The following RBFOX1 variants were observed in gnomAD, a reference collection of about 807,000 sequenced individuals.
RBFOX1 encodes the protein RNA binding protein fox-1 homolog 1.
Under a neutral mutation model 57.7 loss-of-function variants are expected in RBFOX1, and 8 were observed. The ratio of observed to expected loss-of-function variants is 0.14; its 90% confidence interval spans 0.08 to 0.25. RBFOX1 has a LOEUF of 0.25. Among genes scored for constraint, RBFOX1 ranks in the 10% least tolerant of loss-of-function variants. RBFOX1 has a pLI of 1.00. For synonymous variants in RBFOX1, 326 were observed against 222.4 expected, an observed-to-expected ratio of 1.47 and a Z score of -4.15; for missense variants, 611 against 548.5, an observed-to-expected ratio of 1.11 and a Z score of -1.14.
chr16:6,958,342 T>C (rs970677262), intron 3 of RBFOX1, among the ~76,000 whole-genome samples: 1 of 152,182 alleles, frequency 6.6e-6, no homozygotes, highest in African/African-American at 2.4e-5. Context: ...TTCTGAATCC[T>C]CAAGTAGCAT....
intron 4 of RBFOX1, among the ~76,000 whole-genome samples, chr16:7,390,971 A>G (rs1568582629): frequency 6.6e-6 from 1 of 152,134 alleles, no homozygotes; most frequent in Non-Finnish European, 1.5e-5. Flanking sequence ...GGCTTGGAAC[A>G]GGGAGTTTCC....
chr16:5,823,640 C>T (rs1414432116), intron 3 of RBFOX1, among the ~76,000 whole-genome samples: 1 of 152,114 alleles, frequency 6.6e-6, no homozygotes, highest in Non-Finnish European at 1.5e-5. Flanking sequence ...CTGAGCTCCA[C>T]CTCCAGTCAG....
chr16:7,625,101 A>G (rs2059887590), intron 10 of RBFOX1, among the ~76,000 whole-genome samples: 1 of 152,120 alleles, frequency 6.6e-6, no homozygotes, highest in Non-Finnish European at 1.5e-5. Flanking sequence ...TGCTTTGGCC[A>G]GGTGTGTCAT....
intron 4 of RBFOX1, among the ~76,000 whole-genome samples, chr16:5,924,118 C>T (rs912472211): frequency 3.3e-5 from 5 of 152,086 alleles, no homozygotes; most frequent in African/African-American, 1.2e-4. Flanking sequence ...GCACTCATCC[C>T]GTCCTGCTAC....
chr16:6,309,821 G>A (rs1342297529), intron 1 of RBFOX1, among the ~76,000 whole-genome samples: 1 of 152,202 alleles, frequency 6.6e-6, no homozygotes, highest in African/African-American at 2.4e-5. Flanking sequence ...AAATGCAGCA[G>A]AAACACTAAT....
chr16:5,549,447 C>G (rs745334202), intron 2 of RBFOX1, among the ~76,000 whole-genome samples: 9 of 152,144 alleles, frequency 5.9e-5, no homozygotes, highest in Non-Finnish European at 8.8e-5. Flanking sequence ...TATTTATTGG[C>G]TTTGAATACT....
intron 2 of RBFOX1, among the ~76,000 whole-genome samples, chr16:5,522,453 T>C (rs755653267): frequency 3.9e-5 from 6 of 152,246 alleles, no homozygotes; most frequent in Non-Finnish European, 8.8e-5. Flanking sequence ...GTACATGTAG[T>C]ATTTCATTAC....
intron 14 of RBFOX1, among the ~76,000 whole-genome samples, chr16:7,707,942 G>T (rs999631764): frequency 6.6e-6 from 1 of 152,174 alleles, no homozygotes; most frequent in Non-Finnish European, 1.5e-5. Flanking sequence ...GCTTCAGTCA[G>T]TATTAAGATA....
intron 3 of RBFOX1, among the ~76,000 whole-genome samples, chr16:7,034,827 C>CTTTTTTTTTTTCTTTTTT (rs2043824001): frequency 5.5e-5 from 3 of 54,112 alleles, no homozygotes; most frequent in Non-Finnish European, 9.3e-5. Flanking sequence ...TATTGCATTA[C>CTTTTTTTTTTTCTTTTTT]TTTTTTTTTT....
At chr16:7,608,752 A>C (rs924608546) in intron 10 of RBFOX1, among the ~76,000 whole-genome samples, 11 of 152,360 alleles carry the variant, frequency 7.2e-5, no homozygotes, top group Admixed American at 3.9e-4. Flanking sequence ...AATTTATTAG[A>C]ATTAAATGGG....
chr16:7,398,583 A>T (rs1597426914), intron 4 of RBFOX1, among the ~76,000 whole-genome samples: 1 of 152,240 alleles, frequency 6.6e-6, no homozygotes, highest in Non-Finnish European at 1.5e-5. Flanking sequence ...CAGTGTGACA[A>T]ATGCCACCTT....
chr16:6,814,633 CAGGT>C (rs1270675062), intron 3 of RBFOX1, among the ~76,000 whole-genome samples: 1 of 152,048 alleles, frequency 6.6e-6, no homozygotes, highest in Non-Finnish European at 1.5e-5. Flanking sequence ...AGCTGAATGA[CAGGT>C]AGGGGACAAA....
chr16:5,890,812 A>G (rs1404281576), intron 4 of RBFOX1, among the ~76,000 whole-genome samples: 1 of 152,034 alleles, frequency 6.6e-6, no homozygotes, highest in Non-Finnish European at 1.5e-5. Context: ...GATGACTAAG[A>G]GGGTTAAATG....
intron 2 of RBFOX1, among the ~76,000 whole-genome samples, chr16:6,466,867 C>T (rs2095060822): frequency 6.6e-6 from 1 of 152,080 alleles, no homozygotes; most frequent in African/African-American, 2.4e-5. Flanking sequence ...TGCAGAAACC[C>T]TAAGAGTCCT....
chr16:6,299,379 T>C (rs1263087324), intron 1 of RBFOX1, among the ~76,000 whole-genome samples: 1 of 152,202 alleles, frequency 6.6e-6, no homozygotes, highest in African/African-American at 2.4e-5. Context: ...ATTCATGTAA[T>C]TCTAAAAATA....
intron 1 of RBFOX1, among the ~76,000 whole-genome samples, chr16:5,316,961 C>G (rs1422187772): frequency 2.6e-5 from 4 of 152,138 alleles, no homozygotes; most frequent in African/African-American, 7.2e-5. Flanking sequence ...CTTACTATGT[C>G]TCTTCTGGAG....
chr16:5,895,991 A>G (rs576099979), intron 4 of RBFOX1, among the ~76,000 whole-genome samples: 1 of 152,176 alleles, frequency 6.6e-6, no homozygotes, highest in African/African-American at 2.4e-5. Flanking sequence ...AGGAAGTACG[A>G]CAAACTTGGT....
intron 1 of RBFOX1, chr16:5,289,322 C>G (rs767256889): frequency 5.6e-5 from 23 of 407,598 alleles, no homozygotes; most frequent in South Asian, 1.5e-4. Context: ...ATTCCAGGAG[C>G]AGGTTCCACT....
chr16:7,006,148 A>G (rs535523624), intron 3 of RBFOX1, among the ~76,000 whole-genome samples: 29 of 151,892 alleles, frequency 1.9e-4, no homozygotes, highest in Admixed American at 9.2e-4. Context: ...CATTAAATTT[A>G]TTTATTTATT....
Sources: gnomAD v4.1 joint callset for allele counts (sites outside exome capture counted in the v4.1 genomes callset) on GRCh38, gnomAD v4.1.1 for gene constraint, MANE v1.5 for transcripts, NCBI Gene and HGNC (gene_info 2026-07-23, HGNC 2026-07-21) for gene names.